Variants in OPCML observed in about 807,000 individuals in gnomAD.
OPCML encodes the protein opioid binding protein/cell adhesion molecule like, also known as opioid-binding protein/cell adhesion molecule.
OPCML carries 13 observed loss-of-function variants against 37.8 expected under a neutral mutation model. The ratio of observed to expected loss-of-function variants is 0.34; its 90% CI spans 0.22 to 0.55. The LOEUF (loss-of-function observed/expected upper bound fraction) is 0.55, where lower values mean the gene tolerates loss of function less well. Ranked by LOEUF, OPCML falls within the 20% of genes least tolerant of loss-of-function variation. OPCML has a pLI of 0.91. For missense variants in OPCML, 341 were observed against 435.6 expected (o/e 0.78, Z 1.93); for synonymous variants, 176 against 168.8 (o/e 1.04, Z -0.33).
At chr11:132,726,650 A>T (rs1349833693) in intron 2 of OPCML, among the ~76,000 whole-genome samples, 1 of 152,140 alleles carries the variant, frequency 6.6e-6, no homozygotes, top group Non-Finnish European at 1.5e-5. Context: ...TTGAGCGGGC[A>T]GCGTAAGTGT....
chr11:132,583,660 A>T (rs2096466592), intron 3 of OPCML, among the ~76,000 whole-genome samples: 1 of 152,030 alleles, frequency 6.6e-6, no homozygotes, highest in Admixed American at 6.6e-5. Flanking sequence ...CTTGTTTCCC[A>T]GGCTGGAGTG....
At chr11:133,164,705 TTCCAGGTGTAA>T (rs1950186490) in intron 1 of OPCML, among the ~76,000 whole-genome samples, 1 of 152,226 alleles carries the variant, frequency 6.6e-6, no homozygotes, top group African/African-American at 2.4e-5. Context: ...TCCTCAATAA[TTCCAGGTGTAA>T]GTTAAAGGCG....
intron 2 of OPCML, among the ~76,000 whole-genome samples, chr11:132,825,676 A>G (rs1940270957): frequency 6.6e-6 from 1 of 152,200 alleles, no homozygotes. Flanking sequence ...AATTAAACAA[A>G]TTTACACCCA....
intron 1 of OPCML, among the ~76,000 whole-genome samples, chr11:133,151,944 C>T (rs889536211): frequency 6.6e-6 from 1 of 152,210 alleles, no homozygotes; most frequent in Non-Finnish European, 1.5e-5. Context: ...GAAGAGAATG[C>T]TTCTAGCTCT....
At chr11:133,450,932 T>C (rs1013834537) in intron 1 of OPCML, among the ~76,000 whole-genome samples, 1 of 151,800 alleles carries the variant, frequency 6.6e-6, no homozygotes, top group Non-Finnish European at 1.5e-5. Flanking sequence ...ATCAATATGT[T>C]GTTCTCTATA....
chr11:132,943,359 G>C lies in OPCML; in HGVS notation c.62-349C>G. The C allele has an allele frequency of 1.9e-6, 1 of 529,614 alleles. No homozygotes were observed. Among genetic ancestry groups the C allele is most frequent in the East Asian group, 3.2e-5 (1 of 31,616 alleles). 32.8% of individuals were successfully genotyped at this position (529,614 alleles called of 1,614,324 possible). A position where few individuals can be genotyped will look rare whatever the true frequency, so the allele number is the denominator to read the frequency against. On this transcript the variant is annotated intron_variant, in intron 1 of 7. Coordinates refer to ENST00000524381, the MANE Select transcript of OPCML (RefSeq NM_001012393.5). This position sits in a 1 kb window ranked among gnomAD's most constrained non-coding sequence, Gnocchi z 4.3. ...TCTTGACGCTCCCCTGGGGAGGAGG[G>C]AGGCGGCCAGGAGGGGAGAGGAAGA...
intron 2 of OPCML, among the ~76,000 whole-genome samples, chr11:132,795,972 G>A (rs1779064642): frequency 6.6e-6 from 1 of 152,146 alleles, no homozygotes; most frequent in Admixed American, 6.5e-5. Context: ...CATCTGCCCT[G>A]AACATGTACA....
intron 1 of OPCML, chr11:133,422,614 C>T: frequency 1.0e-6 from 1 of 962,288 alleles, no homozygotes; most frequent in Non-Finnish European, 1.2e-6. Flanking sequence ...ACCGCAGCCT[C>T]CCGAGTAGTT....
chr11:133,046,412 C>T (rs532842425), intron 1 of OPCML, among the ~76,000 whole-genome samples: 4 of 152,110 alleles, frequency 2.6e-5, no homozygotes, highest in Non-Finnish European at 4.4e-5. Context: ...CCTTTCTGCC[C>T]GACACACAGA....
intron 2 of OPCML, among the ~76,000 whole-genome samples, chr11:132,902,265 G>T (rs200741873): frequency 6.6e-6 from 1 of 152,152 alleles, no homozygotes; most frequent in Non-Finnish European, 1.5e-5. Context: ...TTGTTAGCCC[G>T]ATGGGGATGG....
Position 133,532,470 on chromosome 11 carries a change from G to T in OPCML, c.-146C>A. ...AGAGAGCAGAAGAGAGAGAGAGCGC[G>T]CGAGAGATGGGAGCAGGCAGGCAGC... is the stretch of plus-strand genomic sequence containing the variant. On this transcript the variant is annotated 5_prime_UTR_variant, in exon 1 of 8. Transcript: ENST00000524381. 1.1e-6 allele frequency: 1 copy of T among 919,112 alleles called. No individual in the cohort carries two copies. Among genetic ancestry groups the T allele is most frequent in the Non-Finnish European group, 1.7e-6 (1 of 589,980 alleles). 56.9% of individuals were successfully genotyped at this position (919,112 alleles called of 1,614,324 possible). A position where few individuals can be genotyped will look rare whatever the true frequency, so the allele number is the denominator to read the frequency against.
At chr11:133,082,399 G>A (rs1298565474) in intron 1 of OPCML, among the ~76,000 whole-genome samples, 2 of 28,456 alleles carry the variant, frequency 7.0e-5, no homozygotes, top group African/African-American at 2.8e-4. Context: ...CCCCTCCCCC[G>A]CACCCCTCCT....
intron 1 of OPCML, among the ~76,000 whole-genome samples, chr11:133,178,780 T>C (rs1438621606): frequency 6.6e-6 from 1 of 152,168 alleles, no homozygotes; most frequent in Non-Finnish European, 1.5e-5. Flanking sequence ...AATTCATAGT[T>C]TGGGGGAGTT....
chr11:133,135,731 T>C (rs1032691358), intron 1 of OPCML, among the ~76,000 whole-genome samples: 2 of 152,020 alleles, frequency 1.3e-5, no homozygotes, highest in African/African-American at 4.8e-5. Flanking sequence ...TGCGTTGGAG[T>C]GTCTATGTGC....
intron 3 of OPCML, among the ~76,000 whole-genome samples, chr11:132,582,249 A>G (rs997349582): frequency 6.6e-6 from 1 of 152,008 alleles, no homozygotes; most frequent in East Asian, 1.9e-4. Flanking sequence ...ACAACCTAAA[A>G]ACAGTTTATT....
chr11:132,631,749 T>A (rs1183631115), intron 3 of OPCML, among the ~76,000 whole-genome samples: 1 of 152,088 alleles, frequency 6.6e-6, no homozygotes, highest in East Asian at 1.9e-4. Context: ...AAACTTACCC[T>A]ATGATCAAAA....
At chr11:132,641,352 C>G (rs1172124869) in intron 3 of OPCML, among the ~76,000 whole-genome samples, 1 of 152,164 alleles carries the variant, frequency 6.6e-6, no homozygotes, top group Non-Finnish European at 1.5e-5. Context: ...CCCAGAGCTG[C>G]CACTTTCACC....
At chr11:132,939,863 A>G (rs1945517571) in intron 2 of OPCML, among the ~76,000 whole-genome samples, 1 of 152,234 alleles carries the variant, frequency 6.6e-6, no homozygotes, top group Non-Finnish European at 1.5e-5. Flanking sequence ...TAATGAAGTG[A>G]TTCTGGCCAA....
intron 4 of OPCML, among the ~76,000 whole-genome samples, chr11:132,524,313 A>G (rs1169870391): frequency 2.0e-5 from 3 of 152,014 alleles, no homozygotes; most frequent in Non-Finnish European, 4.4e-5. Flanking sequence ...TTGTTTTGGG[A>G]CCTGACTTTT....
Sources: gnomAD v4.1 joint callset for allele counts (sites outside exome capture counted in the v4.1 genomes callset) on GRCh38, gnomAD v4.1.1 for gene constraint, Gnocchi (gnomAD v3.1) non-coding constraint, MANE v1.5 for transcripts, NCBI Gene and HGNC (gene_info 2026-07-23, HGNC 2026-07-21) for gene names.